The following CABLES1 variants were observed in gnomAD, a reference collection of about 807,000 sequenced individuals.
CABLES1 encodes CDK5 and ABL1 enzyme substrate 1.
Under a neutral mutation model 57.8 loss-of-function variants are expected in CABLES1, and 36 were observed. The ratio of observed to expected loss-of-function variants is 0.62; its 90% CI spans 0.48 to 0.82. The LOEUF (loss-of-function observed/expected upper bound fraction) is 0.82, where lower values mean the gene tolerates loss of function less well. Ranked by LOEUF, CABLES1 falls within the 40% of genes least tolerant of loss-of-function variation. The pLI is 0.00. For missense variants in CABLES1, 767 were observed against 836.6 expected, an observed-to-expected ratio of 0.92 and a Z score of 1.03; for synonymous variants, 374 against 363.0, an observed-to-expected ratio of 1.03 and a Z score of -0.35.
chr18:23,142,093 C>T (rs557016048), intron 1 of CABLES1, among the ~76,000 whole-genome samples: 7 of 152,194 alleles, frequency 4.6e-5, no homozygotes, highest in African/African-American at 9.6e-5. Context: ...CCACGTGTCT[C>T]GGTCCTGTGG....
chr18:23,237,859 C>T (rs1243838586), intron 7 of CABLES1, among the ~76,000 whole-genome samples: 2 of 152,224 alleles, frequency 1.3e-5, no homozygotes, highest in African/African-American at 4.8e-5. Flanking sequence ...AGGGGCCTGG[C>T]GGGGCCCTGG....
chr18:23,155,544 G>A (rs1327603889), intron 1 of CABLES1, among the ~76,000 whole-genome samples: 1 of 152,240 alleles, frequency 6.6e-6, no homozygotes, highest in Non-Finnish European at 1.5e-5. Flanking sequence ...AAGTAATGGA[G>A]GTGACATTTT....
intron 7 of CABLES1, among the ~76,000 whole-genome samples, chr18:23,241,350 A>G (rs889502338): frequency 2.6e-5 from 4 of 151,924 alleles, no homozygotes; most frequent in Non-Finnish European, 5.9e-5. Flanking sequence ...GGCTAACGTG[A>G]TGAAACTCTG....
chr18:23,152,646 G>A (rs1174321487), intron 1 of CABLES1, among the ~76,000 whole-genome samples: 3 of 147,426 alleles, frequency 2.0e-5, no homozygotes, highest in Admixed American at 6.8e-5. Flanking sequence ...CATCATGCCC[G>A]GCTAATTTTT....
chr18:23,216,965 G>C (rs900247486), intron 4 of CABLES1, among the ~76,000 whole-genome samples: 2 of 152,220 alleles, frequency 1.3e-5, no homozygotes, highest in African/African-American at 4.8e-5. Context: ...AGCAAAATGA[G>C]TGTGTGGGAT....
At chr18:23,176,070 A>C (rs1462929222) in intron 1 of CABLES1, among the ~76,000 whole-genome samples, 1 of 152,226 alleles carries the variant, frequency 6.6e-6, no homozygotes, top group Non-Finnish European at 1.5e-5. Context: ...AGGTGGAGGA[A>C]GGTAGGATTT....
chr18:23,193,947 G>C (rs1208694365), intron 2 of CABLES1, among the ~76,000 whole-genome samples: 1 of 152,204 alleles, frequency 6.6e-6, no homozygotes, highest in Non-Finnish European at 1.5e-5. Flanking sequence ...GACCTCCCAG[G>C]CATAGCAGGT....
At chr18:23,222,542 C>A (rs2043439) in intron 4 of CABLES1, among the ~76,000 whole-genome samples, 34,447 of 147,684 alleles carry the variant, frequency 0.23, 4,350 homozygotes, top group Admixed American at 0.37. Context: ...GTCTCTCTCT[C>A]TATATATATC....
intron 1 of CABLES1, chr18:23,149,633 T>C (rs2046914178): frequency 6.6e-6 from 1 of 152,252 alleles, no homozygotes; most frequent in Admixed American, 6.5e-5. Context: ...CGTCTGTTTT[T>C]GTTTGATTCT....
chr18:23,214,299 C>T (rs542990166), intron 4 of CABLES1: 2 of 421,062 alleles, frequency 4.7e-6, no homozygotes, highest in South Asian at 8.3e-5. Flanking sequence ...ATTTTGTTAC[C>T]TTATCCAATA....
chr18:23,196,567 A>T (rs2047284338), intron 3 of CABLES1, among the ~76,000 whole-genome samples: 1 of 152,224 alleles, frequency 6.6e-6, no homozygotes, highest in South Asian at 2.1e-4. Flanking sequence ...TCGAGAGAGG[A>T]ATGCAGAAGC....
At chr18:23,250,956 TACTA>T (rs2048022957) in intron 7 of CABLES1, among the ~76,000 whole-genome samples, 1 of 152,212 alleles carries the variant, frequency 6.6e-6, no homozygotes, top group Admixed American at 6.5e-5. Context: ...TCCTCCTTGC[TACTA>T]ACTGACACCA....
At position 23,183,627 on chromosome 18, in the gene CABLES1, A is replaced by G. The variant is rs139507746; in HGVS notation, c.846-5211A>G. 4.0e-4 allele frequency among the ~76,000 whole-genome samples: 61 copies of G among 152,292 alleles called. 1 individual carries two copies. Among genetic ancestry groups the G allele is most frequent in the African/African-American group, 1.3e-3 (52 of 41,564 alleles). ...AGCCCTGAGTGTACATTCAGTCTGA[A>G]GACTAGACATACACACTTCCATCTG... is the stretch of plus-strand genomic sequence containing the variant. On this transcript the variant is annotated intron_variant, in intron 1 of 9. Transcript: ENST00000256925.
intron 1 of CABLES1, among the ~76,000 whole-genome samples, chr18:23,138,106 G>A (rs1464545120): frequency 6.6e-6 from 1 of 152,174 alleles, no homozygotes; most frequent in Non-Finnish European, 1.5e-5. Context: ...GGTTATGACA[G>A]GAATTGTAAT....
chr18:23,150,339 G>T (rs529205121), intron 1 of CABLES1, among the ~76,000 whole-genome samples: 226 of 151,330 alleles, frequency 1.5e-3, no homozygotes, highest in African/African-American at 5.3e-3. Flanking sequence ...CTCCCGAGTA[G>T]CTGGGACTAC....
intron 9 of CABLES1, among the ~76,000 whole-genome samples, chr18:23,255,423 C>T (rs902390494): frequency 5.3e-5 from 8 of 152,206 alleles, no homozygotes; most frequent in African/African-American, 7.2e-5. Flanking sequence ...TTTAGGTCGG[C>T]GCTTTACAGA....
At chr18:23,152,979 T>G (rs1007457653) in intron 1 of CABLES1, among the ~76,000 whole-genome samples, 3 of 151,460 alleles carry the variant, frequency 2.0e-5, no homozygotes, top group Non-Finnish European at 4.4e-5. Context: ...TTTTTGTATT[T>G]TTAGTAGAGA....
intron 2 of CABLES1, among the ~76,000 whole-genome samples, chr18:23,192,768 C>CT (rs1032670042): frequency 3.9e-5 from 6 of 152,174 alleles, no homozygotes; most frequent in African/African-American, 1.4e-4. Flanking sequence ...CAGGTGGGAA[C>CT]TTTGAGTGGC....
chr18:23,191,097 A>G (rs1319064372), intron 2 of CABLES1, among the ~76,000 whole-genome samples: 1 of 151,736 alleles, frequency 6.6e-6, no homozygotes, highest in Admixed American at 6.6e-5. Context: ...AAAAAAAAAA[A>G]AAAATTAACC....
Sources: gnomAD v4.1 joint callset for allele counts (sites outside exome capture counted in the v4.1 genomes callset) on GRCh38, gnomAD v4.1.1 for gene constraint, MANE v1.5 for transcripts, NCBI Gene and HGNC (gene_info 2026-07-23, HGNC 2026-07-21) for gene names.